Variants in AADACL3 observed in about 807,000 individuals in gnomAD.
The protein encoded by AADACL3 is arylacetamide deacetylase like 3.
In AADACL3, 13 loss-of-function variants were observed where a neutral mutation model predicts 13.6. That is an observed-to-expected ratio of 0.95 (90% CI 0.62 to 1.52). The LOEUF is 1.52. AADACL3 is among the 40% of genes most tolerant of loss of function. The pLI is 0.00. For missense variants in AADACL3, 519 were observed against 499.2 expected, an observed-to-expected ratio of 1.04 and a Z score of -0.38; for synonymous variants, 195 against 197.0, an observed-to-expected ratio of 0.99 and a Z score of 0.08.
At chr1:12,721,507 G>A (rs1278155504) in intron 3 of AADACL3, among the ~76,000 whole-genome samples, 1 of 152,178 alleles carries the variant, frequency 6.6e-6, no homozygotes, top group African/African-American at 2.4e-5. Flanking sequence ...GTGGGCCTTG[G>A]GTTTGTTTAA....
intron 3 of AADACL3, among the ~76,000 whole-genome samples, chr1:12,723,422 G>C (rs533226743): frequency 2.4e-4 from 36 of 152,242 alleles, no homozygotes; most frequent in Admixed American, 1.0e-3. Context: ...GCCTCATTGA[G>C]AGCTTCTGTA....
intron 3 of AADACL3, 124 bp from the exon 4 acceptor site, chr1:12,725,098 T>A: frequency 9.3e-7 from 1 of 1,076,090 alleles, no homozygotes; most frequent in Non-Finnish European, 1.4e-6. Flanking sequence ...GCCTCACACC[T>A]AACTTTAACT....
intron 3 of AADACL3, among the ~76,000 whole-genome samples, chr1:12,722,365 A>AGAGAT (rs1557571122): frequency 6.6e-6 from 1 of 150,746 alleles, no homozygotes; most frequent in East Asian, 1.9e-4. Flanking sequence ...AAGAAAATGA[A>AGAGAT]GAGATGAGAT....
rs767613662 is a variant in AADACL3, at chr1:12,726,097, G to A, written c.*101G>A. On this transcript the variant is annotated 3_prime_UTR_variant, in exon 4 of 4. Coordinates refer to ENST00000359318, the MANE Select transcript of AADACL3 (RefSeq NM_001103170.3). ...ATTTAGGTGGTGCATAGTGGGGCTA[G>A]GGAGGGGGTAGAGGTTGCTGTCACC... 1.9e-5 allele frequency: 26 copies of A among 1,362,744 alleles called. No homozygotes were observed. Among genetic ancestry groups the A allele is most frequent in the Non-Finnish European group, 2.5e-5 (25 of 1,008,350 alleles). 84.4% of individuals were successfully genotyped at this position (1,362,744 alleles called of 1,614,324 possible). A position where few individuals can be genotyped will look rare whatever the true frequency, so the allele number is the denominator to read the frequency against.
rs981905332 is a variant in AADACL3 at position 12,727,385 on chromosome 1, A to G, written c.*1389A>G. ...GACACCAACACTTATTCTACTACAG[A>G]AGCTAAATTGAACCCTCAGGCAGGG... On this transcript the variant is annotated 3_prime_UTR_variant, in exon 4 of 4. Transcript: ENST00000359318. 2.0e-5 allele frequency: 3 copies of G among 152,200 alleles called. No individual in the cohort carries two copies. Among genetic ancestry groups the G allele is most frequent in the Non-Finnish European group, 4.4e-5 (3 of 68,040 alleles). The allele number at this position is 152,200 out of a possible 1,614,324, so 9.4% of individuals were successfully genotyped here.
In AADACL3 at chr1:12,716,593, A is replaced by G. The variant is rs574690331; in HGVS notation, c.168+249A>G. ...TGATCTGCTTTCTCAGTTAACAGAA[A>G]GAAAAAACCAGTCTGGTTCTATTCA... On this transcript the variant is annotated intron_variant, in intron 1 of 3. Coordinates refer to ENST00000359318, the MANE Select transcript of AADACL3 (RefSeq NM_001103170.3). Among the ~76,000 whole-genome samples, 427 of 152,356 alleles carry G rather than the reference A, an allele frequency of 2.8e-3. 1 individual carries two copies. The highest frequency in any genetic ancestry group is 9.9e-3 in the African/African-American group (413 of 41,570).
intron 1 of AADACL3, 98 bp downstream of exon 1, chr1:12,716,442 A>G (rs1457095945): frequency 2.0e-5 from 30 of 1,501,364 alleles, no homozygotes; most frequent in Non-Finnish European, 2.8e-5. Flanking sequence ...GAACACCGGT[A>G]TCATGGGGCC....
chr1:12,725,806 A>G lies in AADACL3; in HGVS notation c.1034A>G (p.Glu345Gly). The change falls in exon 4 of 4, where the codon GAG (glutamate) becomes GGG (glycine). Residue 345 changes from glutamate (E) to glycine (G), a missense_variant. By Grantham distance (98) the Glu-to-Gly change is moderately conservative. Transcript: ENST00000359318. ...CCGGAAACCTGCATCGTGAGCTGTGAGTATGATGCTCTCCGGGACAATTCA... is the reference window on the plus strand; with the variant it reads ...CCGGAAACCTGCATCGTGAGCTGTGGGTATGATGCTCTCCGGGACAATTCA... ...QLPETCIVSC[E>G]YDALRDNSLL... 6.2e-7 allele frequency: 1 copy of G among 1,614,152 alleles called. No homozygotes were observed. Among genetic ancestry groups the G allele is most frequent in the Non-Finnish European group, 8.5e-7 (1 of 1,180,024 alleles).
rs1638240663 is a variant in AADACL3, at chr1:12,720,864, A to G, written c.386-19A>G. On this transcript the variant is annotated intron_variant, in intron 2 of 3. Transcript: ENST00000359318. ...AAGGAAGCCTTCCTAGTGAATCTTA[A>G]AAACCATTTATTTTCTAGAAACCCA... 6.2e-7 allele frequency: 1 copy of G among 1,606,674 alleles called. No homozygotes were observed. Among genetic ancestry groups the G allele is most frequent in the African/African-American group, 1.3e-5 (1 of 74,834 alleles).
intron 3 of AADACL3, among the ~76,000 whole-genome samples, chr1:12,723,833 G>C (rs985546173): frequency 2.0e-5 from 3 of 151,150 alleles, no homozygotes; most frequent in Non-Finnish European, 4.4e-5. Flanking sequence ...GCCCAGGTTG[G>C]AGTGCAAGAG....
chr1:12,719,387 A>G (rs1648515040), intron 1 of AADACL3, 88 bp from the exon 2 acceptor site: 6 of 1,292,892 alleles, frequency 4.6e-6, no homozygotes, highest in Non-Finnish European at 6.6e-6. Context: ...TCCTTTTGCC[A>G]CCTGTGGAGG....
At chr1:12,716,869 G>A (rs1648448047) in intron 1 of AADACL3, among the ~76,000 whole-genome samples, 1 of 152,198 alleles carries the variant, frequency 6.6e-6, no homozygotes, top group Admixed American at 6.5e-5. Context: ...AAGCCACAAA[G>A]TAAAAGGGTA....
In AADACL3 at chr1:12,719,565, GT is replaced by G. The variant is rs767588489; in HGVS notation, c.261del (p.Val88TrpfsTer12). 4 of 1,613,992 alleles carry G rather than the reference GT, an allele frequency of 2.5e-6. No individual in the cohort carries two copies. In the South Asian group the frequency reaches 4.4e-5, roughly 18 times the overall value. On this transcript the variant is annotated frameshift_variant, in exon 2 of 4. Transcript: ENST00000359318. LOFTEE classifies it high-confidence loss of function. ...GCCTCCGCTAAAGTATGACCCCGAT[GT>G]TGTGGTCACGGATTTCCGCTTTGGG... ...DLPPLKYDPD[V>X]VVTDFRFGTI...
chr1:12,721,263 G>A (rs1638253049), intron 3 of AADACL3, among the ~76,000 whole-genome samples: 1 of 152,248 alleles, frequency 6.6e-6, no homozygotes, highest in Middle Eastern at 3.4e-3. Context: ...TTAGCCAGGT[G>A]TGGTGGCATA....
intron 3 of AADACL3, among the ~76,000 whole-genome samples, chr1:12,721,764 A>C (rs1010652269): frequency 2.0e-5 from 3 of 152,184 alleles, no homozygotes; most frequent in Non-Finnish European, 2.9e-5. Flanking sequence ...CACTGAAGAA[A>C]GTGAGAAAAA....
Position 12,726,176 on chromosome 1 carries a change from C to A in AADACL3, c.*180C>A. The stretch of plus-strand genomic sequence containing the variant: ...ATGCATGCTCCTGATGTCCAGAGGA[C>A]GTGGTAGAAAAGACAGGTTTGGAGG... On this transcript the variant is annotated 3_prime_UTR_variant, in exon 4 of 4. Coordinates refer to ENST00000359318, the MANE Select transcript of AADACL3 (RefSeq NM_001103170.3). 1 of 668,978 alleles carries A rather than the reference C, an allele frequency of 1.5e-6. No individual in the cohort carries two copies. The highest frequency in any genetic ancestry group is 2.4e-6 in the Non-Finnish European group (1 of 411,290). 41.4% of individuals were successfully genotyped at this position (668,978 alleles called of 1,614,324 possible).
rs3000859 is a variant in AADACL3 at position 12,716,341 on chromosome 1, T to A, written c.165T>A (p.Thr55=). ...VLHCIFQLLL[T]WGMIFEKLRI... ...ATTGCATCTTCCAGCTGCTGTTGAC[T>A]TGGGTGAGTTTTGTGCTTTATGTGT... is the stretch of plus-strand genomic sequence containing the variant. Residue 55 remains threonine (T), a synonymous_variant, in exon 1 of 4, where the codon ACT becomes ACA. Transcript: ENST00000359318. The A allele has an allele frequency of 0.2, 320,095 of 1,613,912 alleles. 37,835 individuals are homozygous for A. Among genetic ancestry groups the A allele is most frequent in the African/African-American group, 0.53 (39,468 of 74,918 alleles).
chr1:12,725,271 T>C lies in AADACL3; in HGVS notation c.499T>C (p.Leu167=), dbSNP rs1418572697. ...GTTTCCAGTGCCAGTAAGAGACTGC[T>C]TGGTGGCCACCATCCACTTCCTGAA... ...HKFPVPVRDC[L]VATIHFLKSL... Residue 167 remains leucine, a synonymous_variant, in exon 4 of 4, where the codon TTG becomes CTG. Transcript: ENST00000359318. The C allele has an allele frequency of 6.2e-7, 1 of 1,613,504 alleles. No homozygotes were observed. Among genetic ancestry groups the C allele is most frequent in the East Asian group, 2.2e-5 (1 of 44,890 alleles).
Position 12,725,679 on chromosome 1 carries a change from C to G in AADACL3, c.907C>G (p.Pro303Ala). 4 of 1,614,134 alleles carry G rather than the reference C, an allele frequency of 2.5e-6. No homozygotes were observed. Among genetic ancestry groups the G allele is most frequent in the Non-Finnish European group, 3.4e-6 (4 of 1,180,024 alleles). Reference protein sequence around the residue: ...RFKERGYQLKPHEPMNEAAYL... With the variant: ...RFKERGYQLKAHEPMNEAAYL... Reference sequence around the variant, plus strand: ...TAAGGAGAGGGGTTACCAACTGAAGCCCCATGAGCCCATGAATGAAGCTGC... The same window carrying G: ...TAAGGAGAGGGGTTACCAACTGAAGGCCCATGAGCCCATGAATGAAGCTGC... The change falls in exon 4 of 4, where the codon CCC becomes GCC. Residue 303 changes from proline to alanine, a missense_variant. Transcript: ENST00000359318.
Sources: allele counts gnomAD v4.1 joint callset (sites outside exome capture counted in the v4.1 genomes callset), GRCh38; gene constraint gnomAD v4.1.1; transcripts MANE v1.5; gene names NCBI Gene and HGNC (gene_info 2026-07-23, HGNC 2026-07-21).